Variants in TTN observed in about 807,000 individuals in gnomAD.
TTN encodes the protein connectin.
Under a neutral mutation model 3,223.0 loss-of-function variants are expected in TTN, and 1,525 were observed. That is an observed-to-expected ratio of 0.47 (90% confidence interval 0.45 to 0.49). The LOEUF is 0.49. Among genes scored for constraint, TTN ranks in the 20% least tolerant of loss-of-function variants. TTN has a pLI of 0.00. For synonymous variants in TTN, 14,094 were observed against 15,161.0 expected (o/e 0.93, Z 5.17); for missense variants, 40,786 against 43,424.0 (o/e 0.94, Z 5.40).
At position 178,590,688 on chromosome 2, in the gene TTN, A is replaced by G. The variant is rs2050017310; in HGVS notation, c.61037T>C (p.Phe20346Ser). The G allele has an allele frequency of 1.9e-6, 3 of 1,613,178 alleles. No individual in the cohort carries two copies. In the East Asian group the frequency reaches 6.7e-5, roughly 36 times the overall value. The change falls in exon 304 of 363, where the codon TTT (phenylalanine) becomes TCT (serine). Residue 20346 changes from phenylalanine to serine, a missense_variant. Physicochemically the swap from Phe to Ser is radical, Grantham distance 155. Coordinates refer to ENST00000589042, the MANE Select transcript of TTN (RefSeq NM_001267550.2). ...YEGNTYEFRVFAENLAGLSKP... is the reference protein window; with the variant it reads ...YEGNTYEFRVSAENLAGLSKP... ...GCTTAGTCCTGCAAGATTTTCAGCAAAAACTCTAAACTCATATGTATTTCC... is the reference window on the plus strand; with the variant it reads ...GCTTAGTCCTGCAAGATTTTCAGCAGAAACTCTAAACTCATATGTATTTCC...
chr2:178,741,207 T>C lies in TTN; in HGVS notation c.12026A>G (p.Tyr4009Cys), dbSNP rs753367343. 3.1e-6 allele frequency: 5 copies of C among 1,613,338 alleles called. No individual in the cohort carries two copies. In the South Asian group the frequency reaches 3.3e-5, roughly 11 times the overall value. Residue 4009 changes from tyrosine (Y) to cysteine (C), a missense_variant, in exon 48 of 363, where the codon TAT becomes TGT. Physicochemically the swap from Tyr to Cys is radical, Grantham distance 194. Transcript: ENST00000589042. ...NDPQREDSGL[Y>C]ICKAENMLGE... ...CAACATATTCTCTGCTTTACAGATATAGAGGCCACTGTCTTCCCTCTGAGG... is the reference window on the plus strand; with the variant it reads ...CAACATATTCTCTGCTTTACAGATACAGAGGCCACTGTCTTCCCTCTGAGG...
chr2:178,583,217 C>A lies in TTN; in HGVS notation c.65586G>T (p.Arg21862Ser). 1.3e-6 allele frequency: 2 copies of A among 1,586,290 alleles called. No individual in the cohort carries two copies. The highest frequency in any genetic ancestry group is 1.4e-5 in the African/African-American group (1 of 73,928). Residue 21862 changes from arginine (R) to serine (S), a missense_variant, in exon 313 of 363, where the codon AGG becomes AGT. Transcript: ENST00000589042. ...ATTTCATAGCCACACTCAGGTCTAT[C>A]CTGGGAGGGACTGGAAAGAAATAAG... Reference protein sequence around the residue: ...VTILAENVPPRIDLSVAMKSL... With the variant: ...VTILAENVPPSIDLSVAMKSL...
Position 178,568,698 on chromosome 2 carries a change from C to T in TTN, c.77434G>A (p.Gly25812Ser). ...GGCACTTCTATTTTCAAATCTTGGC[C>T]AACCTGTACACTGTAACTACTGAAT... ...PAFSSYSVQV[G>S]QDLKIEVPIS... is the part of the protein sequence containing the mutation. The change falls in exon 326 of 363, where the codon GGC becomes AGC. Residue 25812 changes from glycine to serine, a missense_variant. By Grantham distance (56) the Gly-to-Ser change is moderately conservative (BLOSUM62 0). Transcript: ENST00000589042. 1 of 1,613,324 alleles carries T rather than the reference C, an allele frequency of 6.2e-7. No individual in the cohort carries two copies. Among genetic ancestry groups the T allele is most frequent in the Non-Finnish European group, 8.5e-7 (1 of 1,179,574 alleles).
rs770506970 is a variant in TTN at position 178,527,023 on chromosome 2, G to A, written c.107965C>T (p.Arg35989Ter). The change falls in exon 363 of 363, where the codon CGA becomes TGA. Residue 35989 changes from arginine to a stop codon, truncating the protein, a stop_gained. Transcript: ENST00000589042. LOFTEE classifies it high-confidence loss of function. ...SDSATVNIHI[R>*]SI ...GGGCACAGGCCCTCTTAAATGGATC[G>A]AATATGTATATTCACAGTGGCAGAG... 4.3e-6 allele frequency: 7 copies of A among 1,612,118 alleles called. No individual in the cohort carries two copies. The Admixed American group carries it at 6.7e-5, about 15-fold the overall frequency.
At chr2:178,713,045 AC>A in intron 93 of TTN, 39 bp downstream of exon 93, 1 of 1,605,986 alleles carries the variant, frequency 6.2e-7, no homozygotes, top group Non-Finnish European at 8.5e-7. Flanking sequence ...TGCTTAATAA[AC>A]TATGAAATGC....
chr2:178,554,936 C>G lies in TTN; in HGVS notation c.88523G>C (p.Ser29508Thr). ...CCTTAGTTTTAATTCATAGCATCCA[C>G]TATTAAGGCGATCGGCATCTTTGAT... ...ILIKDADRLN[S>T]GCYELKLRNA... The change falls in exon 331 of 363, where the codon AGT (serine) becomes ACT (threonine). Residue 29508 changes from serine (S) to threonine (T), a missense_variant. Physicochemically the swap from Ser to Thr is moderately conservative, Grantham distance 58. Coordinates refer to ENST00000589042, the MANE Select transcript of TTN (RefSeq NM_001267550.2). 1 of 1,613,846 alleles carries G rather than the reference C, an allele frequency of 6.2e-7. No individual in the cohort carries two copies. The highest frequency in any genetic ancestry group is 8.5e-7 in the Non-Finnish European group (1 of 1,179,840).
chr2:178,699,468 G>A (rs2074438021), intron 111 of TTN, among the ~76,000 whole-genome samples: 1 of 114,668 alleles, frequency 8.7e-6, no homozygotes, highest in Admixed American at 1.2e-4. Flanking sequence ...CCGGATTGCA[G>A]TGGCGCAATC....
chr2:178,743,808 GTGATA>G (rs1399699559), intron 47 of TTN, among the ~76,000 whole-genome samples: 2 of 151,942 alleles, frequency 1.3e-5, no homozygotes, highest in Non-Finnish European at 2.9e-5. Context: ...AATTTGTGAT[GTGATA>G]TATTACATTA....
chr2:178,720,191 T>A lies in TTN; in HGVS notation c.23451A>T (p.Ile7817=). The A allele has an allele frequency of 6.2e-7, 1 of 1,613,790 alleles. No homozygotes were observed. The highest frequency in any genetic ancestry group is 1.1e-5 in the South Asian group (1 of 91,076). ...LIGDAVELRA[I]VEGFQPISVV... ...CAGAAATTGGCTGGAAGCCCTCCAC[T>A]ATGGCCCGTAACTCAACAGCATCCC... Residue 7817 remains isoleucine, a synonymous_variant, in exon 81 of 363, where the codon ATA becomes ATT. Transcript: ENST00000589042.
chr2:178,744,936 T>G (rs2083202943), intron 47 of TTN: 2 of 985,108 alleles, frequency 2.0e-6, no homozygotes, highest in Non-Finnish European at 2.4e-6. Context: ...TTGAAGCCAG[T>G]GAGAATTAAA....
rs761085549 is a variant in TTN, at chr2:178,732,263, C to T, written c.16706G>A (p.Gly5569Asp). ...CCATGTTATTTTAATTGGAGGGGTA[C>T]CAGTTACTTTGCAGGCTAGCTGGGT... ...DATQLACKVT[G>D]TPPIKITWFA... The change falls in exon 57 of 363, where the codon GGT becomes GAT. Residue 5569 changes from glycine (G) to aspartate (D), a missense_variant. By Grantham distance (94) the Gly-to-Asp change is moderately conservative. Coordinates refer to ENST00000589042, the MANE Select transcript of TTN (RefSeq NM_001267550.2). 2 of 1,613,606 alleles carry T rather than the reference C, an allele frequency of 1.2e-6. No homozygotes were observed. Among genetic ancestry groups the T allele is most frequent in the Admixed American group, 1.7e-5 (1 of 59,982 alleles).
chr2:178,547,629 G>A lies in TTN; in HGVS notation c.93997C>T (p.Pro31333Ser). 1.2e-6 allele frequency: 2 copies of A among 1,613,758 alleles called. No individual in the cohort carries two copies. The highest frequency in any genetic ancestry group is 1.1e-5 in the South Asian group (1 of 91,076). ...ATTTCAGTGCCTCCTCCATCTTTAG[G>A]TTCTCCCCATGACAGGACACACGAT... ...AESCVLSWGE[P>S]KDGGGTEITN... Residue 31333 changes from proline (P) to serine (S), a missense_variant, in exon 339 of 363, where the codon CCT becomes TCT. Transcript: ENST00000589042.
In TTN at chr2:178,662,826, A is replaced by G. The variant is rs2064996922; in HGVS notation, c.36791-14T>C. ...GAGCTTCAGGAACTTTGAAGATATT[A>G]GTATCTTTTAGTTAGAAGCTATAAA... On this transcript the variant is annotated splice_polypyrimidine_tract_variant and intron_variant, in intron 174 of 362. Transcript: ENST00000589042. 3.0e-6 allele frequency: 2 copies of G among 655,772 alleles called. No homozygotes were observed. Among genetic ancestry groups the G allele is most frequent in the African/African-American group, 3.8e-5 (2 of 52,610 alleles). The allele number at this position is 655,772 out of a possible 1,614,324, so 40.6% of individuals were successfully genotyped here. A position where few individuals can be genotyped will look rare whatever the true frequency, so the allele number is the denominator to read the frequency against.
At chr2:178,680,811 A>C (rs1224884128) in intron 138 of TTN, among the ~76,000 whole-genome samples, 1 of 152,106 alleles carries the variant, frequency 6.6e-6, no homozygotes, top group East Asian at 1.9e-4. Flanking sequence ...ACGGTCACTG[A>C]TTTTAAACCC....
rs777095470 is a variant in TTN, at chr2:178,588,909, C to T, written c.62816G>A (p.Arg20939His). Residue 20939 changes from arginine (R) to histidine (H), a missense_variant, in exon 304 of 363, where the codon CGT (arginine) becomes CAT (histidine). By Grantham distance (29) the Arg-to-His change is conservative. Transcript: ENST00000589042. ...IEGNEYIFRVRAENKIGTGPP... is the reference protein window; with the variant it reads ...IEGNEYIFRVHAENKIGTGPP... Reference sequence around the variant, plus strand: ...CCCTGTGCCTATTTTATTTTCTGCACGGACTCTGAAAATATATTCATTTCC... The same window carrying T: ...CCCTGTGCCTATTTTATTTTCTGCATGGACTCTGAAAATATATTCATTTCC... 39 of 1,612,814 alleles carry T rather than the reference C, an allele frequency of 2.4e-5. No individual in the cohort carries two copies. Among genetic ancestry groups the T allele is most frequent in the Non-Finnish European group, 2.8e-5 (33 of 1,179,474 alleles).
chr2:178,788,497 T>G (rs1406882240), intron 13 of TTN, among the ~76,000 whole-genome samples: 1 of 152,066 alleles, frequency 6.6e-6, no homozygotes, highest in African/African-American at 2.4e-5. Context: ...TTTAAAAAGT[T>G]TATCTTAAAT....
At position 178,611,857 on chromosome 2, in the gene TTN, C is replaced by T. The variant is rs397517600; in HGVS notation, c.50452G>A (p.Glu16818Lys). The T allele has an allele frequency of 1.2e-4, 198 of 1,612,798 alleles. No homozygotes were observed. The highest frequency in any genetic ancestry group is 1.6e-4 in the Middle Eastern group (1 of 6,068). ...DCNFRVTDVI[E>K]GTEVQFQVRA... Reference sequence around the variant, plus strand: ...ACCTGAAACTGGACCTCTGTTCCTTCGATGACATCAGTTACTCTGAAGTTA... The same window carrying T: ...ACCTGAAACTGGACCTCTGTTCCTTTGATGACATCAGTTACTCTGAAGTTA... Residue 16818 changes from glutamate to lysine, a missense_variant, in exon 268 of 363, where the codon GAA becomes AAA. Glu to Lys is a moderately conservative substitution (Grantham distance 56, BLOSUM62 1). Coordinates refer to ENST00000589042, the MANE Select transcript of TTN (RefSeq NM_001267550.2).
rs1705690461 is a variant in TTN, at chr2:178,565,979, T to C, written c.80153A>G (p.Tyr26718Cys). Residue 26718 changes from tyrosine to cysteine, a missense_variant, in exon 326 of 363, where the codon TAT becomes TGT. Tyr to Cys is a radical substitution (Grantham distance 194). Transcript: ENST00000589042. Reference protein sequence around the residue: ...IIDGGAKVKNYVIDKRESTRK... With the variant: ...IIDGGAKVKNCVIDKRESTRK... ...GGTTGACTCACGTTTGTCAATCACA[T>C]AGTTCTTGACCTTTGCCCCTCCATC... The C allele has an allele frequency of 6.2e-7, 1 of 1,613,526 alleles. No homozygotes were observed. The highest frequency in any genetic ancestry group is 8.5e-7 in the Non-Finnish European group (1 of 1,179,676).
chr2:178,687,132 C>T (rs1249290449), intron 127 of TTN, among the ~76,000 whole-genome samples: 1 of 152,174 alleles, frequency 6.6e-6, no homozygotes, highest in Non-Finnish European at 1.5e-5. Flanking sequence ...GCATGGTGTG[C>T]CATCTTTTAT....
Sources: allele counts gnomAD v4.1 joint callset (sites outside exome capture counted in the v4.1 genomes callset), GRCh38; gene constraint gnomAD v4.1.1; transcripts MANE v1.5; gene names NCBI Gene and HGNC (gene_info 2026-07-23, HGNC 2026-07-21).